FSIP2: variants seen among roughly 807,000 people sequenced by gnomAD.
FSIP2 encodes the protein fibrous sheath interacting protein 2.
FSIP2 carries 367 observed loss-of-function variants against 510.5 expected under a neutral mutation model. That is an observed-to-expected ratio of 0.72 (90% CI 0.66 to 0.78). The LOEUF (loss-of-function observed/expected upper bound fraction) is 0.78. FSIP2 is among the 30% of genes least tolerant of loss of function. FSIP2 has a pLI of 0.00. For synonymous variants in FSIP2, 2,601 were observed against 2,732.2 expected (o/e 0.95, Z 1.50); for missense variants, 7,594 against 7,901.7 (o/e 0.96, Z 1.48).
chr2:185,790,613 T>C lies in FSIP2; in HGVS notation c.3477T>C (p.Ser1159=), dbSNP rs1312413327. 1.3e-6 allele frequency: 2 copies of C among 1,534,048 alleles called. No individual in the cohort carries two copies. Among genetic ancestry groups the C allele is most frequent in the Non-Finnish European group, 1.7e-6 (2 of 1,145,582 alleles). ...SHQEWIDQMF[S]VSEISTVAQE... is the part of the protein sequence containing the mutation. ...AAGAATGGATAGACCAGATGTTTTC[T>C]GTTTCAGAAATCAGTACAGTGGCTC... is the stretch of plus-strand genomic sequence containing the variant. The change falls in exon 16 of 23, where the codon TCT becomes TCC. Residue 1159 remains serine (S), a synonymous_variant. Transcript: ENST00000424728.
At chr2:185,770,545 G>A (rs954153294) in intron 13 of FSIP2, among the ~76,000 whole-genome samples, 9 of 152,128 alleles carry the variant, frequency 5.9e-5, no homozygotes, top group African/African-American at 2.2e-4. Flanking sequence ...TGTTTACCAT[G>A]AAGTGGGCAC....
At chr2:185,743,065 A>G in intron 2 of FSIP2, 68 bp from the exon 3 acceptor site, 1 of 1,041,636 alleles carries the variant, frequency 9.6e-7, no homozygotes. Flanking sequence ...GAACATTCTA[A>G]TCATTTTGAT....
Position 185,809,009 on chromosome 2 carries a change from A to C in FSIP2, c.19703A>C (p.Glu6568Ala), listed in dbSNP as rs747925385. ...CLKRTGHSIA[E>A]LRRASISGRN... Reference sequence around the variant, plus strand: ...AAAAGAACTGGACATAGCATAGCAGAACTGAGAAGAGCATCAATAAGTGGG... The same window carrying C: ...AAAAGAACTGGACATAGCATAGCAGCACTGAGAAGAGCATCAATAAGTGGG... The change falls in exon 17 of 23, where the codon GAA becomes GCA. Residue 6568 changes from glutamate to alanine, a missense_variant. By Grantham distance (107) the Glu-to-Ala change is moderately radical (BLOSUM62 -1). Transcript: ENST00000424728. The C allele has an allele frequency of 5.6e-6, 9 of 1,612,878 alleles. No homozygotes were observed. The South Asian group carries it at 6.6e-5, about 12-fold the overall frequency.
rs1389842361 is a variant in FSIP2, at chr2:185,804,807, A to G, written c.15501A>G (p.Glu5167=). The stretch of plus-strand genomic sequence containing the variant: ...ATGAAATTATAAAAGAAATTTCTGA[A>G]CATGAGATTCGACTTTCCATGGCAG... ...LTDEIIKEIS[E]HEIRLSMAED... The change falls in exon 17 of 23, where the codon GAA becomes GAG. Residue 5167 remains glutamate, a synonymous_variant. Coordinates refer to ENST00000424728, the MANE Select transcript of FSIP2 (RefSeq NM_173651.4). The G allele has an allele frequency of 6.5e-7, 1 of 1,532,922 alleles. No individual in the cohort carries two copies. The allele number at this position is 1,532,922 out of a possible 1,614,324, so 95.0% of individuals were successfully genotyped here. A position where few individuals can be genotyped will look rare whatever the true frequency, so the allele number is the denominator to read the frequency against.
chr2:185,792,466 T>A lies in FSIP2; in HGVS notation c.5330T>A (p.Ile1777Asn), dbSNP rs762747687. Residue 1777 changes from isoleucine to asparagine, a missense_variant, in exon 16 of 23, where the codon ATT becomes AAT. Transcript: ENST00000424728. ...VKLKEPHISP[I>N]APIIRNILNE... The stretch of plus-strand genomic sequence containing the variant: ...CTCAAAGAACCACATATATCTCCAA[T>A]TGCTCCCATTATAAGAAATATTTTG... 1.5e-5 allele frequency: 23 copies of A among 1,530,734 alleles called. No homozygotes were observed. The African/African-American group carries it at 3.0e-4, about 20-fold the overall frequency. The allele number at this position is 1,530,734 out of a possible 1,614,324, so 94.8% of individuals were successfully genotyped here. A position where few individuals can be genotyped will look rare whatever the true frequency, so the allele number is the denominator to read the frequency against.
intron 10 of FSIP2, 46 bp from the exon 11 acceptor site, chr2:185,761,926 T>C: frequency 2.0e-6 from 2 of 1,025,166 alleles, no homozygotes; most frequent in Non-Finnish European, 2.8e-6. Flanking sequence ...TTTTTGGAAG[T>C]ACAGTTACTA....
upstream of FSIP2, chr2:185,738,633 G>C (rs772200027): frequency 5.9e-6 from 9 of 1,535,912 alleles, no homozygotes; most frequent in African/African-American, 2.7e-5. Flanking sequence ...GAAAGATGAA[G>C]TTTCAACTGT....
chr2:185,800,583 A>G lies in FSIP2; in HGVS notation c.11277A>G (p.Lys3759=), dbSNP rs1454787130. 9 of 1,530,258 alleles carry G rather than the reference A, an allele frequency of 5.9e-6. No individual in the cohort carries two copies. The highest frequency in any genetic ancestry group is 2.0e-5 in the Admixed American group (1 of 50,172). The allele number at this position is 1,530,258 out of a possible 1,614,324, so 94.8% of individuals were successfully genotyped here. ...SVFLLNVVCE[K]LIRILLEECT... ...TTCTTCTCAATGTTGTATGTGAGAA[A>G]CTTATCAGAATACTTTTGGAAGAAT... The change falls in exon 17 of 23, where the codon AAA becomes AAG. Residue 3759 remains lysine (K), a synonymous_variant. Coordinates refer to ENST00000424728, the MANE Select transcript of FSIP2 (RefSeq NM_173651.4).
intron 19 of FSIP2, among the ~76,000 whole-genome samples, chr2:185,820,504 T>C (rs1018522251): frequency 6.6e-6 from 1 of 151,456 alleles, no homozygotes; most frequent in Admixed American, 6.6e-5. Context: ...GTTTTATATA[T>C]ACATATATAA....
At chr2:185,823,566 GA>G (rs1485488159) in intron 19 of FSIP2, among the ~76,000 whole-genome samples, 3 of 150,846 alleles carry the variant, frequency 2.0e-5, no homozygotes, top group Middle Eastern at 3.4e-3. Flanking sequence ...AGGAAGGAGG[GA>G]AAAAAGAAGT....
chr2:185,744,566 A>C, intron 4 of FSIP2, 155 bp downstream of exon 4: 1 of 229,968 alleles, frequency 4.3e-6, no homozygotes. Context: ...AGGAATAAAC[A>C]ATATTTTAAT....
At position 185,807,456 on chromosome 2, in the gene FSIP2, G is replaced by C; in HGVS notation, c.18150G>C (p.Lys6050Asn). The change falls in exon 17 of 23, where the codon AAG (lysine) becomes AAC (asparagine). Residue 6050 changes from lysine to asparagine, a missense_variant. Coordinates refer to ENST00000424728, the MANE Select transcript of FSIP2 (RefSeq NM_173651.4). ...CAGAACTGAATTTCCTTCAAATGAA[G>C]TTAGTAAGTGCAGTTGCAACAGAGA... ...LSTELNFLQM[K>N]LVSAVATEIS... The C allele has an allele frequency of 1.2e-6, 2 of 1,612,580 alleles. No homozygotes were observed. The highest frequency in any genetic ancestry group is 1.7e-6 in the Non-Finnish European group (2 of 1,179,288).
At chr2:185,768,022 C>A (rs1305750271) in intron 13 of FSIP2, among the ~76,000 whole-genome samples, 1 of 152,012 alleles carries the variant, frequency 6.6e-6, no homozygotes, top group Non-Finnish European at 1.5e-5. Flanking sequence ...CACAATCTTG[C>A]CAATACTTGT....
At chr2:185,745,710 C>G in intron 5 of FSIP2, 142 bp downstream of exon 5, 1 of 746,060 alleles carries the variant, frequency 1.3e-6, no homozygotes, top group Non-Finnish European at 1.9e-6. Context: ...GAAGTGAAAC[C>G]AAGAGGTGGA....
In FSIP2 at chr2:185,795,010, C is replaced by A. The variant is rs1693234170; in HGVS notation, c.7874C>A (p.Pro2625Gln). The A allele has an allele frequency of 1.3e-6, 2 of 1,533,852 alleles. No homozygotes were observed. The part of the protein sequence containing the change: ...VMENTLLPYL[P>Q]LQVKKDLIQM... ...GAAAACACTCTTTTGCCATATTTAC[C>A]ATTGCAAGTGAAGAAAGACTTAATT... Residue 2625 changes from proline to glutamine, a missense_variant, in exon 16 of 23, where the codon CCA (proline) becomes CAA (glutamine). Pro to Gln is a moderately conservative substitution (Grantham distance 76, BLOSUM62 -1). Transcript: ENST00000424728.
Position 185,786,300 on chromosome 2 carries a change from A to G in FSIP2, c.1506+12A>G. The G allele has an allele frequency of 6.6e-7, 1 of 1,511,266 alleles. No homozygotes were observed. The highest frequency in any genetic ancestry group is 8.9e-7 in the Non-Finnish European group (1 of 1,128,986). The allele number at this position is 1,511,266 out of a possible 1,614,324, so 93.6% of individuals were successfully genotyped here. On this transcript the variant is annotated intron_variant, in intron 15 of 22. Coordinates refer to ENST00000424728, the MANE Select transcript of FSIP2 (RefSeq NM_173651.4). The stretch of plus-strand genomic sequence containing the variant: ...GCTTGCAAGAAAAAGTATGTATCAT[A>G]AAATCCACCGAGAAAGCAACATATT...
At chr2:185,820,694 C>T (rs1465839577) in intron 19 of FSIP2, among the ~76,000 whole-genome samples, 1 of 151,230 alleles carries the variant, frequency 6.6e-6, no homozygotes. Context: ...AACAAAAACA[C>T]CCTCAAATAT....
At chr2:185,742,531 A>T (rs1336147591) in intron 2 of FSIP2, among the ~76,000 whole-genome samples, 1 of 152,128 alleles carries the variant, frequency 6.6e-6, no homozygotes, top group Non-Finnish European at 1.5e-5. Context: ...CATAATATAG[A>T]CCTCAGGTAT....
Position 185,786,263 on chromosome 2 carries a change from T to G in FSIP2, c.1481T>G (p.Leu494Trp). 7.9e-6 allele frequency: 12 copies of G among 1,525,270 alleles called. No homozygotes were observed. The highest frequency in any genetic ancestry group is 9.7e-6 in the Non-Finnish European group (11 of 1,139,144). 94.5% of individuals were successfully genotyped at this position (1,525,270 alleles called of 1,614,324 possible). A position where few individuals can be genotyped will look rare whatever the true frequency, so the allele number is the denominator to read the frequency against. ...SPVYTNMQQN[L>W]LQNCLQEKVT... ...ACCTTTCTTTACAGGCAACAGAACT[T>G]GCTGCAAAATTGCTTGCAAGAAAAA... The change falls in exon 15 of 23, where the codon TTG (leucine) becomes TGG (tryptophan). Residue 494 changes from leucine to tryptophan, a missense_variant. Leu to Trp is a moderately conservative substitution (Grantham distance 61). Coordinates refer to ENST00000424728, the MANE Select transcript of FSIP2 (RefSeq NM_173651.4).
Sources: allele counts gnomAD v4.1 joint callset (sites outside exome capture counted in the v4.1 genomes callset), GRCh38; gene constraint gnomAD v4.1.1; transcripts MANE v1.5; gene names NCBI Gene and HGNC (gene_info 2026-07-23, HGNC 2026-07-21).